Variants in ZNF385D observed in about 807,000 individuals in gnomAD.
ZNF385D encodes the protein zinc finger protein 385D.
ZNF385D carries 15 observed loss-of-function variants against 35.8 expected under a neutral mutation model. That is an observed-to-expected ratio of 0.42 (90% CI 0.28 to 0.64). ZNF385D has a LOEUF of 0.64. Ranked by LOEUF, ZNF385D falls within the 30% of genes least tolerant of loss-of-function variation. The pLI is 0.23. For missense variants in ZNF385D, 474 were observed against 494.6 expected, an observed-to-expected ratio of 0.96 and a Z score of 0.39; for synonymous variants, 212 against 186.8, an observed-to-expected ratio of 1.13 and a Z score of -1.10.
intron 3 of ZNF385D, among the ~76,000 whole-genome samples, chr3:22,041,341 CCA>C (rs933747994): frequency 1.3e-5 from 2 of 151,974 alleles, no homozygotes; most frequent in African/African-American, 4.8e-5. Context: ...CATGCCCACC[CCA>C]GAGAGAAACC....
chr3:22,169,252 T>C (rs1336750696), intron 2 of ZNF385D, among the ~76,000 whole-genome samples: 2 of 152,228 alleles, frequency 1.3e-5, no homozygotes, highest in Admixed American at 6.5e-5. Flanking sequence ...CTATTCCCAA[T>C]ACTGTGCTAT....
At chr3:21,476,822 A>G (rs532781313) in intron 4 of ZNF385D, among the ~76,000 whole-genome samples, 1 of 152,232 alleles carries the variant, frequency 6.6e-6, no homozygotes, top group South Asian at 2.1e-4. Context: ...AGTTCCAGGA[A>G]GCTCTCCTTC....
intron 4 of ZNF385D, among the ~76,000 whole-genome samples, chr3:21,501,280 C>T (rs1217190669): frequency 6.6e-6 from 1 of 152,198 alleles, no homozygotes; most frequent in Non-Finnish European, 1.5e-5. Flanking sequence ...AAACTCTCCA[C>T]TCCTTAAAAT....
intron 2 of ZNF385D, among the ~76,000 whole-genome samples, chr3:21,610,760 G>T (rs2064649019): frequency 7.0e-6 from 1 of 143,448 alleles, no homozygotes; most frequent in South Asian, 2.2e-4. Flanking sequence ...GGGCGACAGA[G>T]CGAGACTCCG....
chr3:21,647,280 C>T (rs188268939), intron 2 of ZNF385D, among the ~76,000 whole-genome samples: 1 of 152,190 alleles, frequency 6.6e-6, no homozygotes, highest in African/African-American at 2.4e-5. Context: ...ATTTCTTTGG[C>T]AAAATATTCA....
chr3:22,060,282 A>T (rs985451547), intron 3 of ZNF385D, among the ~76,000 whole-genome samples: 1 of 152,160 alleles, frequency 6.6e-6, no homozygotes, highest in Non-Finnish European at 1.5e-5. Context: ...TATACTGTGT[A>T]TCTCTGTATA....
intron 3 of ZNF385D, among the ~76,000 whole-genome samples, chr3:21,779,948 C>A (rs2071427087): frequency 6.6e-6 from 1 of 151,916 alleles, no homozygotes. Context: ...ATTCTGTCTC[C>A]AAATGTAATA....
intron 2 of ZNF385D, among the ~76,000 whole-genome samples, chr3:22,333,672 C>A (rs1695037308): frequency 6.6e-6 from 1 of 151,982 alleles, no homozygotes; most frequent in Admixed American, 6.6e-5. Context: ...TCATTCATTT[C>A]CGAACTTCCA....
At chr3:21,727,952 G>C (rs968694150) in intron 1 of ZNF385D, among the ~76,000 whole-genome samples, 5 of 151,718 alleles carry the variant, frequency 3.3e-5, no homozygotes, top group African/African-American at 1.2e-4. Context: ...AAGAAAATGT[G>C]GCCATAAAAA....
intron 4 of ZNF385D, among the ~76,000 whole-genome samples, chr3:21,450,651 C>T (rs2125277946): frequency 6.6e-6 from 1 of 152,178 alleles, no homozygotes; most frequent in East Asian, 1.9e-4. Context: ...ATGCTTTTCA[C>T]CAAAATAAAT....
At chr3:21,743,168 T>C (rs997937116) in intron 1 of ZNF385D, among the ~76,000 whole-genome samples, 2 of 152,238 alleles carry the variant, frequency 1.3e-5, no homozygotes, top group African/African-American at 4.8e-5. Context: ...TTCCTACTTA[T>C]CAGTCATGGA....
chr3:22,179,267 G>C (rs1353104004), intron 2 of ZNF385D, among the ~76,000 whole-genome samples: 1 of 152,102 alleles, frequency 6.6e-6, no homozygotes, highest in African/African-American at 2.4e-5. Context: ...TCATTGAGCA[G>C]TGGTTTGTAG....
chr3:21,631,206 G>T (rs933349934), intron 2 of ZNF385D, among the ~76,000 whole-genome samples: 3 of 152,200 alleles, frequency 2.0e-5, no homozygotes, highest in African/African-American at 7.2e-5. Context: ...TCAGTGGACG[G>T]TTGGGAACAG....
intron 3 of ZNF385D, among the ~76,000 whole-genome samples, chr3:22,069,822 A>G (rs751089029): frequency 2.0e-5 from 3 of 152,090 alleles, no homozygotes; most frequent in Non-Finnish European, 4.4e-5. Context: ...GTCAGACCCA[A>G]GCCAGCCACG....
chr3:21,829,191 G>C (rs1470915075), intron 3 of ZNF385D, among the ~76,000 whole-genome samples: 1 of 152,172 alleles, frequency 6.6e-6, no homozygotes, highest in Admixed American at 6.5e-5. Flanking sequence ...CAAATTAATT[G>C]TATAATTTCA....
At chr3:21,853,998 C>G (rs1696564410) in intron 3 of ZNF385D, among the ~76,000 whole-genome samples, 1 of 151,540 alleles carries the variant, frequency 6.6e-6, no homozygotes, top group Non-Finnish European at 1.5e-5. Flanking sequence ...TATTCTATAC[C>G]TTTAGGTGGT....
intron 3 of ZNF385D, among the ~76,000 whole-genome samples, chr3:21,907,229 A>G (rs955046195): frequency 1.1e-4 from 17 of 152,206 alleles, no homozygotes; most frequent in African/African-American, 4.1e-4. Flanking sequence ...AATTTAAAAA[A>G]CATGTATCTG....
chr3:21,484,634 G>C (rs762709087), intron 4 of ZNF385D, among the ~76,000 whole-genome samples: 3 of 152,166 alleles, frequency 2.0e-5, no homozygotes, highest in Admixed American at 6.5e-5. Context: ...CCCTTTGGAG[G>C]GGGGACTGCC....
chr3:21,455,627 A>G (rs1702756055), intron 4 of ZNF385D, among the ~76,000 whole-genome samples: 1 of 152,224 alleles, frequency 6.6e-6, no homozygotes, highest in Admixed American at 6.5e-5. Context: ...TAAAAGCATA[A>G]AAACCCTAGA....
Sources: allele counts gnomAD v4.1 joint callset (sites outside exome capture counted in the v4.1 genomes callset), GRCh38; gene constraint gnomAD v4.1.1; transcripts MANE v1.5; gene names NCBI Gene and HGNC (gene_info 2026-07-23, HGNC 2026-07-21).